Variants in TMEM131L observed in about 807,000 individuals in gnomAD.
TMEM131L encodes transmembrane protein 131-like.
A neutral mutation model predicts 192.2 loss-of-function variants in TMEM131L; 54 were observed. That is an observed-to-expected ratio of 0.28 (90% CI 0.23 to 0.35). The LOEUF (loss-of-function observed/expected upper bound fraction) is 0.35. Ranked by LOEUF, TMEM131L falls within the 10% of genes least tolerant of loss-of-function variation. The pLI is 1.00. For missense variants in TMEM131L, 1,888 were observed against 1,972.9 expected, an observed-to-expected ratio of 0.96 and a Z score of 0.82; for synonymous variants, 701 against 704.9, an observed-to-expected ratio of 0.99 and a Z score of 0.09.
At chr4:153,543,763 C>A (rs1736969174) in intron 3 of TMEM131L, among the ~76,000 whole-genome samples, 1 of 152,224 alleles carries the variant, frequency 6.6e-6, no homozygotes, top group South Asian at 2.1e-4. Context: ...ATCAGACACA[C>A]TGTTTAGAAG....
chr4:153,634,339 G>T, intron 33 of TMEM131L, 59 bp downstream of exon 33: 2 of 1,336,514 alleles, frequency 1.5e-6, no homozygotes, highest in Admixed American at 1.7e-5. Flanking sequence ...GTCAAAGCAG[G>T]AAGTGTGTGG....
intron 9 of TMEM131L, among the ~76,000 whole-genome samples, chr4:153,582,420 G>GTTTTTTTTTTTTTT (rs1216119441): frequency 4.9e-5 from 4 of 81,832 alleles, no homozygotes; most frequent in African/African-American, 1.6e-4. Flanking sequence ...AATTTAAACC[G>GTTTTTTTTTTTTTT]TTTTTTTTTG....
At chr4:153,482,731 A>T (rs1230346684) in intron 3 of TMEM131L, among the ~76,000 whole-genome samples, 1 of 152,194 alleles carries the variant, frequency 6.6e-6, no homozygotes, top group African/African-American at 2.4e-5. Context: ...AGCTGGGGCT[A>T]CAGGTACACG....
chr4:153,569,147 C>T (rs1372776864), intron 7 of TMEM131L, among the ~76,000 whole-genome samples: 1 of 152,190 alleles, frequency 6.6e-6, no homozygotes, highest in Non-Finnish European at 1.5e-5. Flanking sequence ...GATAAAAGGA[C>T]AGTAGTGTTT....
chr4:153,507,811 A>G (rs1463618973), intron 3 of TMEM131L, among the ~76,000 whole-genome samples: 1 of 152,140 alleles, frequency 6.6e-6, no homozygotes, highest in Non-Finnish European at 1.5e-5. Flanking sequence ...GGGTGCATCT[A>G]GTGGCCATGT....
At chr4:153,612,472 A>G in intron 26 of TMEM131L, 72 bp downstream of exon 26, 1 of 1,156,336 alleles carries the variant, frequency 8.6e-7, no homozygotes, top group Non-Finnish European at 1.2e-6. Context: ...GAATATGTGT[A>G]TTTCATATGT....
At chr4:153,520,505 G>T (rs1440454808) in intron 3 of TMEM131L, among the ~76,000 whole-genome samples, 1 of 152,138 alleles carries the variant, frequency 6.6e-6, no homozygotes, top group East Asian at 1.9e-4. Context: ...TCAAAAGCTG[G>T]AAGAGAGTGC....
chr4:153,589,789 C>T (rs917579965), intron 16 of TMEM131L, among the ~76,000 whole-genome samples: 1 of 152,190 alleles, frequency 6.6e-6, no homozygotes, highest in African/African-American at 2.4e-5. Context: ...AAATATTCCT[C>T]ATCTAGATTT....
chr4:153,540,724 A>G (rs1338686296), intron 3 of TMEM131L, among the ~76,000 whole-genome samples: 3 of 152,226 alleles, frequency 2.0e-5, no homozygotes, highest in Non-Finnish European at 4.4e-5. Flanking sequence ...AAACGTGGCT[A>G]GTGCACCTTT....
chr4:153,489,087 TATC>T (rs761019116), intron 3 of TMEM131L, among the ~76,000 whole-genome samples: 10 of 152,198 alleles, frequency 6.6e-5, no homozygotes, highest in East Asian at 1.9e-4. Context: ...GACTTTGACA[TATC>T]ATGTTGGGGT....
chr4:153,502,089 C>T (rs1368791377), intron 3 of TMEM131L, among the ~76,000 whole-genome samples: 1 of 151,794 alleles, frequency 6.6e-6, no homozygotes, highest in Non-Finnish European at 1.5e-5. Context: ...GTAGCTGGGA[C>T]CACAGGTGCC....
chr4:153,488,830 T>G (rs1391331504), intron 3 of TMEM131L, among the ~76,000 whole-genome samples: 1 of 152,152 alleles, frequency 6.6e-6, no homozygotes, highest in Non-Finnish European at 1.5e-5. Flanking sequence ...CGCCCTCGCC[T>G]TTTCCTAGCT....
chr4:153,511,191 T>C (rs987460004), intron 3 of TMEM131L, among the ~76,000 whole-genome samples: 2 of 152,236 alleles, frequency 1.3e-5, no homozygotes, highest in Non-Finnish European at 2.9e-5. Context: ...TGTATGTTCA[T>C]TGTAGCACTA....
At chr4:153,598,497 A>C in intron 20 of TMEM131L, 93 bp from the exon 21 acceptor site, 3 of 1,148,204 alleles carry the variant, frequency 2.6e-6, no homozygotes, top group Non-Finnish European at 3.7e-6. Context: ...AAGTTTAAAA[A>C]TATTCTTGAT....
chr4:153,471,012 A>T (rs1731121099), intron 2 of TMEM131L, among the ~76,000 whole-genome samples: 3 of 141,048 alleles, frequency 2.1e-5, no homozygotes, highest in African/African-American at 2.8e-5. Flanking sequence ...TTTGAGACTG[A>T]GTGTTGCTCT....
rs757835288 is a variant in TMEM131L, at chr4:153,626,219, A to G, written c.4118A>G (p.Asn1373Ser). Residue 1373 changes from asparagine (N) to serine (S), a missense_variant, in exon 30 of 35, where the codon AAT becomes AGT. Physicochemically the swap from Asn to Ser is conservative, Grantham distance 46. Coordinates refer to ENST00000409959, the MANE Select transcript of TMEM131L (RefSeq NM_001131007.2). ...ISLNLSHNIC[N>S]PMTVNSLPQY... is the part of the protein sequence containing the mutation. Reference sequence around the variant, plus strand: ...TTGAATCTTTCTCATAACATCTGCAATCCCATGTAAGTTTTTTATTTTCCA... The same window carrying G: ...TTGAATCTTTCTCATAACATCTGCAGTCCCATGTAAGTTTTTTATTTTCCA... The G allele has an allele frequency of 5.1e-5, 82 of 1,601,554 alleles. No homozygotes were observed. The highest frequency in any genetic ancestry group is 6.8e-5 in the Non-Finnish European group (79 of 1,169,374).
intron 26 of TMEM131L, among the ~76,000 whole-genome samples, chr4:153,615,525 C>G (rs1426499625): frequency 6.6e-6 from 1 of 152,036 alleles, no homozygotes; most frequent in Non-Finnish European, 1.5e-5. Context: ...GCTGAGGGTG[C>G]AGGTATAGCA....
chr4:153,542,691 A>G (rs11931144), intron 3 of TMEM131L, among the ~76,000 whole-genome samples: 19,096 of 152,210 alleles, frequency 0.13, 3,597 homozygotes, highest in African/African-American at 0.41. Context: ...GTTTGGCTTC[A>G]AAGGGAAGAA....
chr4:153,504,080 C>A (rs951201821), intron 3 of TMEM131L, among the ~76,000 whole-genome samples: 12 of 151,658 alleles, frequency 7.9e-5, no homozygotes, highest in African/African-American at 2.7e-4. Context: ...CATTCTCCTG[C>A]CTCAGCCTCC....
Sources: gnomAD v4.1 joint callset for allele counts (sites outside exome capture counted in the v4.1 genomes callset) on GRCh38, gnomAD v4.1.1 for gene constraint, MANE v1.5 for transcripts, NCBI Gene and HGNC (gene_info 2026-07-23, HGNC 2026-07-21) for gene names.